The following AUTS2 variants were observed in gnomAD, a reference collection of about 807,000 sequenced individuals.
AUTS2 encodes the protein autism susceptibility gene 2 protein.
In AUTS2, 17 loss-of-function variants were observed where a neutral mutation model predicts 112.4. That is an observed-to-expected ratio of 0.15 (90% confidence interval 0.10 to 0.23). AUTS2 has a LOEUF of 0.23. Ranked by LOEUF, AUTS2 falls within the 10% of genes least tolerant of loss-of-function variation. The pLI, the probability that AUTS2 is intolerant of heterozygous loss-of-function variation, is 1.00. For missense variants in AUTS2, 1,510 were observed against 1,701.6 expected (o/e 0.89, Z 1.98); for synonymous variants, 751 against 702.7 (o/e 1.07, Z -1.09).
chr7:69,677,334 G>A (rs1047984473), intron 1 of AUTS2, among the ~76,000 whole-genome samples: 1 of 152,238 alleles, frequency 6.6e-6, no homozygotes, highest in South Asian at 2.1e-4. Context: ...GTCTTCAAAG[G>A]AAAGCTACAT....
intron 1 of AUTS2, among the ~76,000 whole-genome samples, chr7:69,717,791 C>T (rs1798697312): frequency 6.6e-6 from 1 of 152,110 alleles, no homozygotes. Flanking sequence ...CATCCCTACA[C>T]CCCCAATATA....
chr7:70,049,917 A>G (rs1401183464), intron 2 of AUTS2, among the ~76,000 whole-genome samples: 1 of 152,192 alleles, frequency 6.6e-6, no homozygotes, highest in Non-Finnish European at 1.5e-5. Flanking sequence ...ATATGAAGAT[A>G]CATTACGAAG....
chr7:70,023,636 G>T (rs1800383998), intron 2 of AUTS2, among the ~76,000 whole-genome samples: 5 of 152,096 alleles, frequency 3.3e-5, no homozygotes. Context: ...TATTGTTTTT[G>T]GAGTTTGGTT....
rs187220166 is a variant in AUTS2 at position 70,696,672 on chromosome 7, C to G, written c.691-1897C>G. 3.6e-3 allele frequency among the ~76,000 whole-genome samples: 507 copies of G among 139,580 alleles called. 2 individuals carry two copies. Among genetic ancestry groups the G allele is most frequent in the Non-Finnish European group, 6.2e-3 (378 of 61,404 alleles). 91.6% of individuals were successfully genotyped at this position (139,580 alleles called of 152,430 possible). A position where few individuals can be genotyped will look rare whatever the true frequency, so the allele number is the denominator to read the frequency against. On this transcript the variant is annotated intron_variant, in intron 5 of 18. Transcript: ENST00000342771. ...ACCCACAGCTTCTGTCCTTTTCACT[C>G]GAACACACACACACACACACACACT...
chr7:69,649,002 G>A (rs1795168034), intron 1 of AUTS2, among the ~76,000 whole-genome samples: 1 of 152,214 alleles, frequency 6.6e-6, no homozygotes, highest in African/African-American at 2.4e-5. Flanking sequence ...GGTTAAGTAA[G>A]TAGGTAGGAG....
intron 5 of AUTS2, among the ~76,000 whole-genome samples, chr7:70,594,892 A>G (rs1332190404): frequency 1.3e-5 from 2 of 152,196 alleles, no homozygotes; most frequent in Admixed American, 1.3e-4. Flanking sequence ...ACCTGAGGTC[A>G]GGAGTTCAAG....
At chr7:70,439,414 C>T (rs1796030463) in intron 5 of AUTS2, among the ~76,000 whole-genome samples, 1 of 152,038 alleles carries the variant, frequency 6.6e-6, no homozygotes, top group Non-Finnish European at 1.5e-5. Context: ...TAGCACGTGC[C>T]TGTAGTCGCA....
At chr7:70,409,323 G>A (rs999389863) in intron 4 of AUTS2, among the ~76,000 whole-genome samples, 3 of 151,824 alleles carry the variant, frequency 2.0e-5, no homozygotes. Context: ...ATCACTTGGT[G>A]TATTAGTATA....
At chr7:70,716,182 T>C (rs1434978728) in intron 6 of AUTS2, among the ~76,000 whole-genome samples, 1 of 152,192 alleles carries the variant, frequency 6.6e-6, no homozygotes, top group Non-Finnish European at 1.5e-5. Context: ...TTTATTTGAT[T>C]CATACAGTAG....
At chr7:70,590,146 G>GTT (rs1802872637) in intron 5 of AUTS2, among the ~76,000 whole-genome samples, 1 of 118,912 alleles carries the variant, frequency 8.4e-6, no homozygotes, top group South Asian at 2.4e-4. Flanking sequence ...GTGTGTGTGT[G>GTT]TGTGTATGTA....
intron 4 of AUTS2, among the ~76,000 whole-genome samples, chr7:70,252,204 CA>C (rs1370005242): frequency 6.6e-6 from 1 of 152,266 alleles, no homozygotes; most frequent in Admixed American, 6.5e-5. Context: ...GAGGAACTTT[CA>C]TACTGTTTTC....
At chr7:69,828,667 A>C (rs1791364306) in intron 1 of AUTS2, among the ~76,000 whole-genome samples, 1 of 152,248 alleles carries the variant, frequency 6.6e-6, no homozygotes, top group Non-Finnish European at 1.5e-5. Context: ...CTTTTACACA[A>C]GTATGACACA....
intron 5 of AUTS2, among the ~76,000 whole-genome samples, chr7:70,569,322 T>C (rs1295184541): frequency 6.6e-6 from 1 of 152,244 alleles, no homozygotes; most frequent in East Asian, 1.9e-4. Context: ...AAACCAATTA[T>C]TGTTCTGCGA....
chr7:69,933,339 G>A (rs1041232728), intron 2 of AUTS2, among the ~76,000 whole-genome samples: 2 of 152,156 alleles, frequency 1.3e-5, no homozygotes, highest in Non-Finnish European at 2.9e-5. Context: ...CTATTTAATA[G>A]ATAATTAGAA....
At chr7:70,072,453 C>G (rs1265828390) in intron 2 of AUTS2, among the ~76,000 whole-genome samples, 2 of 152,204 alleles carry the variant, frequency 1.3e-5, no homozygotes, top group African/African-American at 2.4e-5. Context: ...ATGGGTTTCT[C>G]TCGTTTTCCA....
chr7:70,532,231 C>G (rs576753872), intron 5 of AUTS2, among the ~76,000 whole-genome samples: 77 of 152,260 alleles, frequency 5.1e-4, no homozygotes, highest in African/African-American at 1.8e-3. Context: ...CAATGCAAGT[C>G]ACAAAACTGG....
chr7:69,868,938 T>A (rs1482240524), intron 1 of AUTS2, among the ~76,000 whole-genome samples: 1 of 152,208 alleles, frequency 6.6e-6, no homozygotes, highest in African/African-American at 2.4e-5. Context: ...TGCATTGTGC[T>A]GGAAGAGGTA....
chr7:70,048,410 A>G (rs1563064377), intron 2 of AUTS2, among the ~76,000 whole-genome samples: 1 of 152,202 alleles, frequency 6.6e-6, no homozygotes, highest in African/African-American at 2.4e-5. Context: ...CCTTGAACCC[A>G]TAAGATTTTG....
intron 2 of AUTS2, among the ~76,000 whole-genome samples, chr7:69,911,248 T>C (rs1165764889): frequency 6.6e-6 from 1 of 152,184 alleles, no homozygotes; most frequent in East Asian, 1.9e-4. Flanking sequence ...TGGCTTCCAC[T>C]GTGGGCACCC....
Sources: allele counts gnomAD v4.1 joint callset (sites outside exome capture counted in the v4.1 genomes callset), GRCh38; gene constraint gnomAD v4.1.1; transcripts MANE v1.5; gene names NCBI Gene and HGNC (gene_info 2026-07-23, HGNC 2026-07-21).